The following LGSN variants were observed in gnomAD, a reference collection of about 807,000 sequenced individuals.
LGSN encodes the protein lengsin, lens protein with glutamine synthetase domain, also known as lengsin.
A neutral mutation model predicts 19.5 loss-of-function variants in LGSN; 21 were observed. That is an observed-to-expected ratio of 1.07 (90% confidence interval 0.76 to 1.55). The LOEUF (loss-of-function observed/expected upper bound fraction) is 1.55. LGSN is among the 40% of genes most tolerant of loss of function. LGSN has a pLI of 0.00. For synonymous variants in LGSN, 257 were observed against 215.6 expected (o/e 1.19, Z -1.68); for missense variants, 673 against 608.5 (o/e 1.11, Z -1.12).
At chr6:63,511,410 C>T in the LGSN span, among the ~76,000 whole-genome samples, 42 of 152,224 alleles carry the variant, frequency 2.8e-4, no homozygotes, top group African/African-American at 8.4e-4. Flanking sequence ...TGCACCACCA[C>T]GCCCAGCTAA....
chr6:63,529,834 C>A, the LGSN span, among the ~76,000 whole-genome samples: 5 of 152,078 alleles, frequency 3.3e-5, no homozygotes, highest in Admixed American at 2.0e-4. Context: ...GAGGAATTGG[C>A]AGGAGCTATC....
the LGSN span, among the ~76,000 whole-genome samples, chr6:63,559,862 A>AGATCG: frequency 1.3e-5 from 2 of 152,088 alleles, no homozygotes; most frequent in Non-Finnish European, 2.9e-5. Context: ...CCTGGGCTCA[A>AGATCG]ACAATCCTCC....
intron 1 of LGSN, among the ~76,000 whole-genome samples, chr6:63,314,052 C>T (rs1768743371): frequency 6.6e-6 from 1 of 151,932 alleles, no homozygotes; most frequent in African/African-American, 2.4e-5. Flanking sequence ...AATACATTTT[C>T]CTCTATCAGA....
chr6:63,541,736 A>G, the LGSN span, among the ~76,000 whole-genome samples: 1 of 152,162 alleles, frequency 6.6e-6, no homozygotes. Context: ...ATTAAAAAAG[A>G]TGCATTTATT....
chr6:63,316,930 G>A lies in LGSN; in HGVS notation c.30+2984C>T, dbSNP rs114141857. 2.9e-3 allele frequency among the ~76,000 whole-genome samples: 446 copies of A among 151,982 alleles called. 3 individuals carry two copies. The highest frequency in any genetic ancestry group is 0.01 in the African/African-American group (422 of 41,446). On this transcript the variant is annotated intron_variant, in intron 1 of 3. Transcript: ENST00000370657. Reference sequence around the variant, plus strand: ...TACTTTAAATGTGAGAGGGGAAGGTGCTCTACCCTTTAAAAAAATTATGAT... The same window carrying A: ...TACTTTAAATGTGAGAGGGGAAGGTACTCTACCCTTTAAAAAAATTATGAT...
the LGSN span, among the ~76,000 whole-genome samples, chr6:63,467,883 C>T: frequency 2.6e-5 from 4 of 151,786 alleles, no homozygotes; most frequent in African/African-American, 4.8e-5. Context: ...GTAGAAATGG[C>T]GTCTCACCAT....
chr6:63,435,922 A>G, the LGSN span, among the ~76,000 whole-genome samples: 2 of 151,380 alleles, frequency 1.3e-5, no homozygotes, highest in East Asian at 1.9e-4. Context: ...AAAAAAAAAA[A>G]AAAAAGAAAA....
At chr6:63,448,023 G>A in the LGSN span, among the ~76,000 whole-genome samples, 1 of 152,124 alleles carries the variant, frequency 6.6e-6, no homozygotes, top group Non-Finnish European at 1.5e-5. Flanking sequence ...ATAAAAGAAT[G>A]ATTCTTTCAT....
At chr6:63,453,194 A>T in the LGSN span, among the ~76,000 whole-genome samples, 1 of 152,048 alleles carries the variant, frequency 6.6e-6, no homozygotes, top group African/African-American at 2.4e-5. Context: ...GTTTAATGAG[A>T]TTTGTATGGC....
At chr6:63,326,703 G>T in the LGSN span, among the ~76,000 whole-genome samples, 1 of 152,208 alleles carries the variant, frequency 6.6e-6, no homozygotes, top group African/African-American at 2.4e-5. Context: ...TGGGTGCTAA[G>T]CCCCTCATTG....
At chr6:63,319,864 A>ATT in intron 1 of LGSN, 50 bp downstream of exon 1, 1 of 1,341,156 alleles carries the variant, frequency 7.5e-7, no homozygotes, top group Non-Finnish European at 1.1e-6. Flanking sequence ...TTTTAAAAAG[A>ATT]TTTACTGTCA....
upstream of LGSN, among the ~76,000 whole-genome samples, chr6:63,321,643 G>A (rs1769086360): frequency 6.6e-6 from 1 of 152,010 alleles, no homozygotes; most frequent in Non-Finnish European, 1.5e-5. Context: ...GACATATGGT[G>A]TATAACCTAA....
chr6:63,282,038 A>G (rs939918495), intron 3 of LGSN, among the ~76,000 whole-genome samples: 1 of 152,208 alleles, frequency 6.6e-6, no homozygotes, highest in Non-Finnish European at 1.5e-5. Context: ...TCAGTAAAAC[A>G]AGTGTTAGAC....
intron 1 of LGSN, among the ~76,000 whole-genome samples, chr6:63,311,200 T>G (rs1768614051): frequency 6.6e-6 from 1 of 152,200 alleles, no homozygotes; most frequent in Non-Finnish European, 1.5e-5. Context: ...CATACCGGTT[T>G]AAAATTTCCA....
the LGSN span, among the ~76,000 whole-genome samples, chr6:63,393,187 A>T: frequency 1.4e-5 from 2 of 147,230 alleles, no homozygotes; most frequent in Admixed American, 1.4e-4. Context: ...CGCCCAGCCA[A>T]GATGGAGTCT....
chr6:63,403,769 A>G, the LGSN span, among the ~76,000 whole-genome samples: 4 of 152,186 alleles, frequency 2.6e-5, no homozygotes, highest in African/African-American at 9.6e-5. Flanking sequence ...GGGTAAACAG[A>G]CTTTAAAGTA....
chr6:63,498,043 C>T, the LGSN span, among the ~76,000 whole-genome samples: 3 of 151,532 alleles, frequency 2.0e-5, no homozygotes, highest in East Asian at 5.8e-4. Flanking sequence ...CTCAGCCTCC[C>T]GAGTAGCTGG....
At chr6:63,357,849 T>C in the LGSN span, among the ~76,000 whole-genome samples, 3 of 152,146 alleles carry the variant, frequency 2.0e-5, no homozygotes, top group South Asian at 2.1e-4. Flanking sequence ...AGATCCCATT[T>C]GTTAATTTTG....
the LGSN span, among the ~76,000 whole-genome samples, chr6:63,552,909 G>A: frequency 1.3e-5 from 2 of 152,170 alleles, no homozygotes; most frequent in Admixed American, 6.5e-5. Context: ...GTACCGTGCT[G>A]TTTTGGTACT....
Sources: allele counts gnomAD v4.1 joint callset (sites outside exome capture counted in the v4.1 genomes callset), GRCh38; gene constraint gnomAD v4.1.1; transcripts MANE v1.5; gene names NCBI Gene and HGNC (gene_info 2026-07-23, HGNC 2026-07-21).